Variants in CDH2 observed in about 807,000 individuals in gnomAD.
The protein encoded by CDH2 is cadherin-2.
In CDH2, 17 loss-of-function variants were observed where a neutral mutation model predicts 92.0. The observed-to-expected ratio is 0.18, with a 90% confidence interval of 0.13 to 0.28. The LOEUF is 0.28. CDH2 is among the 10% of genes least tolerant of loss of function. The probability of loss-of-function intolerance (pLI) is 1.00; values close to 1 mark genes in which losing one functional copy is unlikely to be tolerated. For missense variants in CDH2, 862 were observed against 1,133.1 expected, an observed-to-expected ratio of 0.76 and a Z score of 3.44; for synonymous variants, 419 against 415.9, an observed-to-expected ratio of 1.01 and a Z score of -0.09.
At chr18:27,981,063 C>A (rs916870316) in intron 14 of CDH2, among the ~76,000 whole-genome samples, 3 of 152,088 alleles carry the variant, frequency 2.0e-5, no homozygotes, top group South Asian at 2.1e-4. Context: ...ACATTAAATA[C>A]CCCACGGTCC....
chr18:28,062,315 C>T (rs1230946222), intron 2 of CDH2, among the ~76,000 whole-genome samples: 1 of 151,952 alleles, frequency 6.6e-6, no homozygotes, highest in Non-Finnish European at 1.5e-5. Flanking sequence ...TTAATTTGTC[C>T]AATAAATGAA....
At chr18:28,158,649 C>T (rs8084488) in intron 1 of CDH2, among the ~76,000 whole-genome samples, 11,162 of 152,202 alleles carry the variant, frequency 0.073, 1,327 homozygotes, top group African/African-American at 0.25. Context: ...GGAGTTCCCA[C>T]GACCCTCTCA....
At chr18:28,131,119 T>A (rs1225695718) in intron 2 of CDH2, among the ~76,000 whole-genome samples, 1 of 152,086 alleles carries the variant, frequency 6.6e-6, no homozygotes, top group African/African-American at 2.4e-5. Flanking sequence ...GTAAAATAAC[T>A]TACACCAAAA....
intron 2 of CDH2, among the ~76,000 whole-genome samples, chr18:28,111,496 G>A (rs17536243): frequency 0.011 from 1,670 of 152,264 alleles, 40 homozygotes; most frequent in African/African-American, 0.038. Context: ...GGAGCAAAAC[G>A]ATAATCTTAG....
intron 7 of CDH2, among the ~76,000 whole-genome samples, chr18:27,999,522 G>C (rs979661688): frequency 6.6e-6 from 1 of 152,142 alleles, no homozygotes; most frequent in African/African-American, 2.4e-5. Context: ...TTCATCTTAT[G>C]AAGAGGAGTA....
chr18:28,112,502 T>C (rs1359092920), intron 2 of CDH2, among the ~76,000 whole-genome samples: 1 of 152,214 alleles, frequency 6.6e-6, no homozygotes, highest in African/African-American at 2.4e-5. Context: ...GTGAAGTTTA[T>C]GTAAAATTTC....
At chr18:28,176,344 G>C (rs946133225) in intron 1 of CDH2, among the ~76,000 whole-genome samples, 2 of 152,152 alleles carry the variant, frequency 1.3e-5, no homozygotes, top group African/African-American at 4.8e-5. Flanking sequence ...CGGGCAAGAG[G>C]GCCAGATTTT....
intron 15 of CDH2, among the ~76,000 whole-genome samples, chr18:27,958,513 A>G (rs1431727207): frequency 6.7e-6 from 1 of 150,058 alleles, no homozygotes; most frequent in East Asian, 1.9e-4. Context: ...ATATATGTAT[A>G]TATGTGTATA....
rs11564309 is a variant in CDH2, at chr18:27,994,430, A to C, written c.1021-793T>G. ...TTTCAAATTCCAGGTTGACTGTTTT[A>C]AAAGAGCCAAATTAAGCTATAATAT... On this transcript the variant is annotated intron_variant, in intron 7 of 15. Transcript: ENST00000269141. 8.2e-3 allele frequency among the ~76,000 whole-genome samples: 1,250 copies of C among 152,344 alleles called. 16 individuals carry two copies. The highest frequency in any genetic ancestry group is 0.029 in the African/African-American group (1,193 of 41,570).
At chr18:28,062,206 T>G (rs1489647162) in intron 2 of CDH2, among the ~76,000 whole-genome samples, 1 of 152,230 alleles carries the variant, frequency 6.6e-6, no homozygotes, top group Non-Finnish European at 1.5e-5. Context: ...TTAATATTTT[T>G]CTAGCCATTT....
At chr18:28,047,374 G>A (rs1470900362) in intron 2 of CDH2, among the ~76,000 whole-genome samples, 5 of 152,022 alleles carry the variant, frequency 3.3e-5, no homozygotes, top group East Asian at 1.9e-4. Flanking sequence ...GTTATGTTTC[G>A]CCTGTCAAGC....
intron 1 of CDH2, among the ~76,000 whole-genome samples, chr18:28,160,379 G>A (rs1028671353): frequency 1.2e-4 from 18 of 152,004 alleles, no homozygotes; most frequent in Non-Finnish European, 2.4e-4. Context: ...CGTGCTGAGG[G>A]GCATAAAAAG....
At chr18:28,119,513 T>A (rs1027313442) in intron 2 of CDH2, among the ~76,000 whole-genome samples, 5 of 152,150 alleles carry the variant, frequency 3.3e-5, no homozygotes, top group African/African-American at 1.2e-4. Context: ...CAAATTTAGA[T>A]GTTTTATGCA....
intron 1 of CDH2, among the ~76,000 whole-genome samples, chr18:28,160,835 T>G (rs563409542): frequency 2.0e-5 from 3 of 152,278 alleles, no homozygotes; most frequent in Admixed American, 2.0e-4. Flanking sequence ...AGTGGGAGGT[T>G]GTTTAGCACT....
intron 7 of CDH2, among the ~76,000 whole-genome samples, chr18:27,999,460 T>C (rs960435310): frequency 1.3e-5 from 2 of 151,324 alleles, no homozygotes; most frequent in Non-Finnish European, 2.9e-5. Flanking sequence ...GAACTAGGAG[T>C]TGAAGGCACA....
At chr18:28,105,965 C>T (rs1482510703) in intron 2 of CDH2, among the ~76,000 whole-genome samples, 5 of 152,146 alleles carry the variant, frequency 3.3e-5, no homozygotes, top group South Asian at 2.1e-4. Context: ...GTAATAGATA[C>T]GAATTGAGTA....
intron 5 of CDH2, among the ~76,000 whole-genome samples, chr18:28,007,156 T>A (rs867435803): frequency 1.6e-4 from 17 of 106,632 alleles, no homozygotes; most frequent in Admixed American, 2.0e-4. Context: ...TGAGACTCCA[T>A]AAAAAAAAAA....
At chr18:27,940,933 G>A (rs1041002931) in intron 6 of CDH2, among the ~76,000 whole-genome samples, 1 of 151,988 alleles carries the variant, frequency 6.6e-6, no homozygotes, top group Non-Finnish European at 1.5e-5. Context: ...CTGTTTCTCT[G>A]GGTTGTGCCA....
At chr18:28,057,909 T>C (rs982739515) in intron 2 of CDH2, among the ~76,000 whole-genome samples, 3 of 152,044 alleles carry the variant, frequency 2.0e-5, no homozygotes, top group African/African-American at 7.2e-5. Context: ...CATCATGGAG[T>C]AGAAAAAATA....
Sources: allele counts gnomAD v4.1 joint callset (sites outside exome capture counted in the v4.1 genomes callset), GRCh38; gene constraint gnomAD v4.1.1; transcripts MANE v1.5; gene names NCBI Gene and HGNC (gene_info 2026-07-23, HGNC 2026-07-21).